Variants in RTN4 observed in about 807,000 individuals in gnomAD.
RTN4 encodes reticulon 4.
Under a neutral mutation model 90.4 loss-of-function variants are expected in RTN4, and 32 were observed. That is an observed-to-expected ratio of 0.35 (90% CI 0.27 to 0.48). The LOEUF (loss-of-function observed/expected upper bound fraction) is 0.48, where lower values mean the gene tolerates loss of function less well. Among genes scored for constraint, RTN4 ranks in the 20% least tolerant of loss-of-function variants. The pLI is 0.99. For missense variants in RTN4, 1,706 were observed against 1,430.2 expected (o/e 1.19, Z -3.11); for synonymous variants, 629 against 552.5 (o/e 1.14, Z -1.94).
rs143345120 is a variant in RTN4, at chr2:55,003,278, T to C, written c.3014-15580A>G. ...AATCAATGAACAGTACAAATAATCA[T>C]TAATATTTGATAATTTGGTAATTTT... On this transcript the variant is annotated intron_variant, in intron 3 of 8. Coordinates refer to ENST00000337526, the MANE Select transcript of RTN4 (RefSeq NM_020532.5). 9.1e-3 allele frequency among the ~76,000 whole-genome samples: 1,388 copies of C among 152,328 alleles called. 18 individuals carry two copies. The highest frequency in any genetic ancestry group is 0.032 in the African/African-American group (1,321 of 41,556).
At position 55,015,327 on chromosome 2, in the gene RTN4, G is replaced by A. The variant is rs74445208; in HGVS notation, c.3013+9759C>T. Among the ~76,000 whole-genome samples the A allele has an allele frequency of 1.1e-3, 165 of 152,098 alleles. 2 individuals carry two copies. The East Asian group carries it at 0.029, about 26-fold the overall frequency. On this transcript the variant is annotated intron_variant, in intron 3 of 8. Coordinates refer to ENST00000337526, the MANE Select transcript of RTN4 (RefSeq NM_020532.5). ...ACGTGGGGCAAAATAATCCCTAATC[G>A]GAATCCAAAATCAATTTTAAATAGA...
At chr2:54,976,841 A>G (rs1677676187) in intron 5 of RTN4, among the ~76,000 whole-genome samples, 1 of 152,242 alleles carries the variant, frequency 6.6e-6, no homozygotes, top group African/African-American at 2.4e-5. Flanking sequence ...TCCATGGCAA[A>G]TACTTTGCAA....
At chr2:55,013,622 GGT>G (rs1382795949) in intron 3 of RTN4, among the ~76,000 whole-genome samples, 78 of 101,364 alleles carry the variant, frequency 7.7e-4, no homozygotes, top group African/African-American at 1.2e-3. Flanking sequence ...GGGGGGGGAG[GGT>G]GTAGGGGGGG....
At chr2:55,076,381 CTTTTGTTCTTTTTTTT>C (rs1668599353) in intron 2 of RTN4, among the ~76,000 whole-genome samples, 1 of 113,358 alleles carries the variant, frequency 8.8e-6, no homozygotes, top group African/African-American at 3.4e-5. Flanking sequence ...ACCCAAATTT[CTTTTGTTCTTTTTTTT>C]TTTTTTTTTT....
intron 1 of RTN4, among the ~76,000 whole-genome samples, chr2:55,096,808 C>T (rs1019765464): frequency 1.3e-5 from 2 of 151,242 alleles, no homozygotes; most frequent in African/African-American, 4.9e-5. Context: ...GTTTATTAAG[C>T]TTCTGTCCTG....
chr2:55,093,153 T>C lies in RTN4; in HGVS notation c.-213-12514A>G, dbSNP rs138065477. On this transcript the variant is annotated intron_variant, in intron 1 of 3. Coordinates refer to the RTN4 transcript ENST00000427710. ...GATGCACATTCGTGGGCCAGCCAAT[T>C]ATAGTGACAGCTCTTTAATGAAGAA... is the stretch of plus-strand genomic sequence containing the variant. Among the ~76,000 whole-genome samples, 63 of 152,304 alleles carry C rather than the reference T, an allele frequency of 4.1e-4. 1 individual carries two copies. Among genetic ancestry groups the C allele is most frequent in the Admixed American group, 2.9e-3 (44 of 15,296 alleles).
At chr2:55,091,993 C>T (rs1668946801) in intron 1 of RTN4, among the ~76,000 whole-genome samples, 1 of 152,076 alleles carries the variant, frequency 6.6e-6, no homozygotes, top group Non-Finnish European at 1.5e-5. Flanking sequence ...TGTGGGAATT[C>T]TGGGAGACAC....
Position 55,031,421 on chromosome 2 carries a change from A to T in RTN4, c.557-3201T>A, listed in dbSNP as rs192829932. 4.6e-5 allele frequency among the ~76,000 whole-genome samples: 7 copies of T among 152,336 alleles called. No individual in the cohort carries two copies. The East Asian group carries it at 1.3e-3, about 29-fold the overall frequency. ...TGAGACAGGGTAACATACAAAGTAA[A>T]GCCTCACAGAAAAGGAGCTCCAAAA... On this transcript the variant is annotated intron_variant, in intron 1 of 8. Transcript: ENST00000337526.
intron 2 of RTN4, among the ~76,000 whole-genome samples, chr2:55,079,282 T>C (rs1290273445): frequency 6.6e-6 from 1 of 152,242 alleles, no homozygotes; most frequent in Non-Finnish European, 1.5e-5. Flanking sequence ...TGAAAATTCA[T>C]TGTGCCTGGG....
chr2:55,090,567 C>T (rs1668918000), intron 1 of RTN4, among the ~76,000 whole-genome samples: 1 of 152,170 alleles, frequency 6.6e-6, no homozygotes, highest in Admixed American at 6.5e-5. Context: ...CACCTCCCCT[C>T]TATCCACCTG....
Position 54,973,183 on chromosome 2 carries a change from G to A in RTN4, c.3552C>T (p.Ile1184=), listed in dbSNP as rs964411093. 6.2e-7 allele frequency: 1 copy of A among 1,603,468 alleles called. No homozygotes were observed. The highest frequency in any genetic ancestry group is 8.5e-7 in the Non-Finnish European group (1 of 1,171,596). The part of the protein sequence containing the change: ...KDAMAKIQAK[I]PGLKRKAE ...ATTCAGCTTTGCGCTTCAATCCAGG[G>A]ATTTTTGCTTGGATTCTGAAAATGA... is the stretch of plus-strand genomic sequence containing the variant. The change falls in exon 9 of 9, where the codon ATC becomes ATT. Residue 1184 remains isoleucine, a synonymous_variant. Transcript: ENST00000337526.
chr2:55,005,876 G>A (rs997060097), intron 3 of RTN4, among the ~76,000 whole-genome samples: 8 of 152,170 alleles, frequency 5.3e-5, no homozygotes, highest in African/African-American at 1.9e-4. Context: ...ATTGTGTTAA[G>A]TATTTATGTG....
the RTN4 span, among the ~76,000 whole-genome samples, chr2:55,132,920 T>TA: frequency 2.0e-5 from 3 of 151,650 alleles, no homozygotes; most frequent in Non-Finnish European, 4.4e-5. Flanking sequence ...TTATTATTTT[T>TA]AAAAAACATG....
intron 3 of RTN4, among the ~76,000 whole-genome samples, chr2:55,020,046 A>C (rs1243541422): frequency 6.6e-6 from 1 of 152,208 alleles, no homozygotes; most frequent in East Asian, 1.9e-4. Context: ...AAGAAATTGA[A>C]GAGGATACAA....
At chr2:55,044,285 G>A (rs563854774) in intron 1 of RTN4, among the ~76,000 whole-genome samples, 3 of 152,054 alleles carry the variant, frequency 2.0e-5, no homozygotes, top group Admixed American at 6.5e-5. Context: ...CAGCTACCTG[G>A]GGGGCTGAAG....
intron 2 of RTN4, among the ~76,000 whole-genome samples, chr2:55,065,400 T>G (rs2105009136): frequency 6.6e-6 from 1 of 152,296 alleles, no homozygotes; most frequent in Middle Eastern, 3.4e-3. Context: ...TATTAACACA[T>G]TTAAACCAAA....
rs762033500 is a variant in RTN4 at position 55,025,665 on chromosome 2, C to A, written c.2434G>T (p.Asp812Tyr). 1.9e-6 allele frequency: 3 copies of A among 1,613,808 alleles called. No individual in the cohort carries two copies. In the South Asian group the frequency reaches 3.3e-5, roughly 18 times the overall value. The change falls in exon 3 of 9, where the codon GAT becomes TAT. Residue 812 changes from aspartate (D) to tyrosine (Y), a missense_variant. Transcript: ENST00000337526. The part of the protein sequence containing the change: ...SFKLSLDNTK[D>Y]TLLPDEVSTL... Reference sequence around the variant, plus strand: ...GAAACTTCATCAGGTAACAGGGTATCTTTTGTGTTATCTAAACTGAGCTTA... The same window carrying A: ...GAAACTTCATCAGGTAACAGGGTATATTTTGTGTTATCTAAACTGAGCTTA...
At chr2:55,019,768 G>C (rs964132494) in intron 3 of RTN4, among the ~76,000 whole-genome samples, 1 of 152,110 alleles carries the variant, frequency 6.6e-6, no homozygotes, top group African/African-American at 2.4e-5. Flanking sequence ...AATTAGAAAA[G>C]AGGAAGTCAC....
chr2:54,987,458 G>C lies in RTN4; in HGVS notation c.3221+33C>G. The C allele has an allele frequency of 2.1e-6, 3 of 1,410,860 alleles. No homozygotes were observed. The South Asian group carries it at 3.4e-5, about 16-fold the overall frequency. The allele number at this position is 1,410,860 out of a possible 1,614,324, so 87.4% of individuals were successfully genotyped here. The stretch of plus-strand genomic sequence containing the variant: ...TAATACCAATCCTGTTTACACTATT[G>C]CCAATGCATGCCTTGTTTTCCAGAC... On this transcript the variant is annotated intron_variant, in intron 4 of 8. Coordinates refer to ENST00000337526, the MANE Select transcript of RTN4 (RefSeq NM_020532.5).
Sources: gnomAD v4.1 joint callset for allele counts (sites outside exome capture counted in the v4.1 genomes callset) on GRCh38, gnomAD v4.1.1 for gene constraint, MANE v1.5 for transcripts, NCBI Gene and HGNC (gene_info 2026-07-23, HGNC 2026-07-21) for gene names.